TFDP2: variants seen among roughly 807,000 people sequenced by gnomAD.
TFDP2 encodes the protein transcription factor Dp-2, also known as transcription factor Dp-2 (E2F dimerization partner 2).
In TFDP2, 17 loss-of-function variants were observed where a neutral mutation model predicts 59.3. That is an observed-to-expected ratio of 0.29 (90% CI 0.20 to 0.43). The LOEUF is 0.43. TFDP2 is among the 20% of genes least tolerant of loss of function. The probability of loss-of-function intolerance (pLI) is 1.00; values close to 1 mark genes in which losing one functional copy is unlikely to be tolerated. For missense variants in TFDP2, 391 were observed against 528.8 expected, an observed-to-expected ratio of 0.74 and a Z score of 2.56; for synonymous variants, 180 against 194.7, an observed-to-expected ratio of 0.92 and a Z score of 0.63.
chr3:141,999,937 T>C (rs997776059), intron 4 of TFDP2, among the ~76,000 whole-genome samples: 1 of 152,058 alleles, frequency 6.6e-6, no homozygotes, highest in African/African-American at 2.4e-5. Flanking sequence ...GGGTTTCACC[T>C]TGTTAGCCAG....
chr3:141,990,425 C>T (rs1559984789), intron 6 of TFDP2, among the ~76,000 whole-genome samples: 2 of 152,102 alleles, frequency 1.3e-5, no homozygotes, highest in African/African-American at 2.4e-5. Flanking sequence ...CAGGCACCCA[C>T]CACCATGCCC....
rs1239337247 is a variant in TFDP2, at chr3:141,968,489, CAT to C, written c.732+1582_732+1583del. Among the ~76,000 whole-genome samples, 7 of 98,410 alleles carry C rather than the reference CAT, an allele frequency of 7.1e-5. 1 individual carries two copies. The highest frequency in any genetic ancestry group is 1.1e-4 in the Non-Finnish European group (6 of 54,594). The allele number at this position is 98,410 out of a possible 152,430, so 64.6% of individuals were successfully genotyped here. On this transcript the variant is annotated intron_variant, in intron 9 of 12. Transcript: ENST00000489671. ...ATATATATATAACATATATATATCT[CAT>C]ATATAGATATATATAACATATATAT... is the stretch of plus-strand genomic sequence containing the variant.
intron 3 of TFDP2, among the ~76,000 whole-genome samples, chr3:142,034,136 C>T (rs1219067629): frequency 2.0e-5 from 3 of 147,074 alleles, no homozygotes; most frequent in Non-Finnish European, 4.5e-5. Flanking sequence ...GCTCCTGTTG[C>T]CCAGGCTGGA....
chr3:142,093,913 C>A, intron 2 of TFDP2: 1 of 497,462 alleles, frequency 2.0e-6, no homozygotes, highest in Non-Finnish European at 4.0e-6. Flanking sequence ...AAGCATATAG[C>A]ACAGGATTTG....
At chr3:142,080,521 C>G (rs73232688) in intron 3 of TFDP2, among the ~76,000 whole-genome samples, 1 of 151,982 alleles carries the variant, frequency 6.6e-6, no homozygotes. Context: ...CGAATGAAAA[C>G]GGACTCAACT....
At chr3:141,966,801 G>C (rs536573341) in intron 9 of TFDP2, among the ~76,000 whole-genome samples, 1 of 151,016 alleles carries the variant, frequency 6.6e-6, no homozygotes, top group East Asian at 1.9e-4. Context: ...AAAAATAAAA[G>C]AGAGGTGGTA....
In TFDP2 at chr3:142,149,501, C is replaced by A. The variant is rs1317036350; in HGVS notation, c.-411G>T. ...CCCTCTCCCTGCCCAGCTACAGCCC[C>A]GCTTCCCCCGCGCGAGCTTTGGCGG... On this transcript the variant is annotated 5_prime_UTR_variant, in exon 1 of 13. Transcript: ENST00000489671. 5 of 347,654 alleles carry A rather than the reference C, an allele frequency of 1.4e-5. No individual in the cohort carries two copies. In the East Asian group the frequency reaches 1.7e-4, roughly 12 times the overall value. The allele number at this position is 347,654 out of a possible 1,614,324, so 21.5% of individuals were successfully genotyped here.
chr3:141,996,322 T>C (rs1943270719), intron 4 of TFDP2, among the ~76,000 whole-genome samples: 3 of 152,170 alleles, frequency 2.0e-5, no homozygotes, highest in Admixed American at 2.0e-4. Context: ...TAATGAAACA[T>C]GATTGGCCCC....
At chr3:141,988,653 A>G (rs1293550719) in intron 6 of TFDP2, among the ~76,000 whole-genome samples, 1 of 149,934 alleles carries the variant, frequency 6.7e-6, no homozygotes, top group African/African-American at 2.4e-5. Context: ...AACTGTTTTT[A>G]GCAATCTTTT....
intron 8 of TFDP2, among the ~76,000 whole-genome samples, chr3:141,973,135 T>A (rs1370048042): frequency 1.5e-5 from 2 of 137,690 alleles, no homozygotes; most frequent in Non-Finnish European, 3.1e-5. Flanking sequence ...TTTTTTTTTT[T>A]AAAGATGGAG....
intron 3 of TFDP2, among the ~76,000 whole-genome samples, chr3:142,028,320 G>A (rs944198267): frequency 6.6e-6 from 1 of 152,010 alleles, no homozygotes; most frequent in Non-Finnish European, 1.5e-5. Context: ...CCTGAATTAA[G>A]AAAACTGAGC....
At chr3:141,956,946 C>CG (rs1013476463) in intron 11 of TFDP2, among the ~76,000 whole-genome samples, 1 of 150,922 alleles carries the variant, frequency 6.6e-6, no homozygotes, top group Non-Finnish European at 1.5e-5. Context: ...CCCCACCCCC[C>CG]CCACAAAAAT....
At chr3:142,103,122 T>G (rs756800905) in intron 1 of TFDP2, among the ~76,000 whole-genome samples, 1 of 151,860 alleles carries the variant, frequency 6.6e-6, no homozygotes, top group Non-Finnish European at 1.5e-5. Flanking sequence ...TCTGTAGTCC[T>G]GGCTACTTGG....
At chr3:142,029,338 T>C (rs1946309487) in intron 3 of TFDP2, among the ~76,000 whole-genome samples, 1 of 151,926 alleles carries the variant, frequency 6.6e-6, no homozygotes, top group African/African-American at 2.4e-5. Context: ...AGCAGCTTAG[T>C]TGTGCTTTTT....
intron 6 of TFDP2, among the ~76,000 whole-genome samples, chr3:141,987,166 T>C (rs1942185537): frequency 6.6e-6 from 1 of 152,206 alleles, no homozygotes; most frequent in Non-Finnish European, 1.5e-5. Flanking sequence ...TCCACTACAA[T>C]ACTGAATAGA....
At chr3:142,022,340 G>A (rs938102795) in intron 3 of TFDP2, among the ~76,000 whole-genome samples, 2 of 152,176 alleles carry the variant, frequency 1.3e-5, no homozygotes, top group African/African-American at 2.4e-5. Context: ...AGGAAATAAC[G>A]AAATGCAAGT....
At chr3:141,956,868 T>C (rs910909196) in intron 11 of TFDP2, among the ~76,000 whole-genome samples, 9 of 151,238 alleles carry the variant, frequency 6.0e-5, no homozygotes, top group African/African-American at 2.2e-4. Context: ...GAGGCTGCAG[T>C]GAGCAGAGAT....
In TFDP2 at chr3:142,128,568, T is replaced by C. The variant is rs1027083252; in HGVS notation, c.-93+20615A>G. ...TTAATCTGAACAGATGGCCAAAGTTTACTAAACAACTGAGGAAAATCTCTA... is the reference window on the plus strand; with the variant it reads ...TTAATCTGAACAGATGGCCAAAGTTCACTAAACAACTGAGGAAAATCTCTA... On this transcript the variant is annotated intron_variant, in intron 1 of 12. Coordinates refer to ENST00000489671, the MANE Select transcript of TFDP2 (RefSeq NM_001178139.2). Among the ~76,000 whole-genome samples, 5 of 152,004 alleles carry C rather than the reference T, an allele frequency of 3.3e-5. No homozygotes were observed. In the East Asian group the frequency reaches 9.6e-4, roughly 29 times the overall value.
chr3:141,988,890 T>C (rs1342837111), intron 6 of TFDP2, among the ~76,000 whole-genome samples: 2 of 152,100 alleles, frequency 1.3e-5, no homozygotes, highest in Admixed American at 6.5e-5. Flanking sequence ...CTCGAACTGA[T>C]CCGCCTGCCT....
Sources: allele counts gnomAD v4.1 joint callset (sites outside exome capture counted in the v4.1 genomes callset), GRCh38; gene constraint gnomAD v4.1.1; transcripts MANE v1.5; gene names NCBI Gene and HGNC (gene_info 2026-07-23, HGNC 2026-07-21).